The following DMD variants were observed in gnomAD, a reference collection of about 807,000 sequenced individuals.
The protein encoded by DMD is mutant dystrophin.
DMD carries 63 observed loss-of-function variants against 330.1 expected under a neutral mutation model. That is an observed-to-expected ratio of 0.19 (90% confidence interval 0.16 to 0.24). The LOEUF (loss-of-function observed/expected upper bound fraction) is 0.24. Ranked by LOEUF, DMD falls within the 10% of genes least tolerant of loss-of-function variation. The pLI, the probability that DMD is intolerant of heterozygous loss-of-function variation, is 1.00. For synonymous variants in DMD, 1,223 were observed against 959.8 expected (o/e 1.27, Z -5.07); for missense variants, 3,344 against 2,684.1 (o/e 1.25, Z -5.43).
intron 55 of DMD, among the ~76,000 whole-genome samples, chrX:31,604,288 A>G (rs1047276698): frequency 2.7e-5 from 3 of 111,755 alleles, no homozygotes; most frequent in African/African-American, 9.7e-5. Flanking sequence ...AAATAGAATG[A>G]TATGTTTTAA....
intron 1 of DMD, among the ~76,000 whole-genome samples, chrX:33,175,049 T>C (rs1299912432): frequency 8.9e-6 from 1 of 112,249 alleles, no homozygotes; most frequent in Non-Finnish European, 1.9e-5. Context: ...GTTTCCCATG[T>C]AGTTCTTTGA....
At chrX:31,249,496 C>T (rs952855880) in intron 63 of DMD, among the ~76,000 whole-genome samples, 3 of 111,567 alleles carry the variant, frequency 2.7e-5, no homozygotes, top group African/African-American at 9.8e-5. Flanking sequence ...CCACCTGCCT[C>T]GGCCTCCCAA....
intron 62 of DMD, among the ~76,000 whole-genome samples, chrX:31,279,668 C>T (rs749903898): frequency 8.0e-5 from 9 of 112,516 alleles, no homozygotes; most frequent in Admixed American, 5.6e-4. Context: ...AGTCAGGTCA[C>T]GATAGCTTAT....
intron 60 of DMD, among the ~76,000 whole-genome samples, chrX:31,434,780 T>C (rs903721036): frequency 8.9e-6 from 1 of 111,858 alleles, no homozygotes; most frequent in Non-Finnish European, 1.9e-5. Context: ...TAGTTTTTAG[T>C]CTGTGAATGA....
chrX:32,268,590 C>T (rs1008438876), intron 43 of DMD, among the ~76,000 whole-genome samples: 1 of 111,487 alleles, frequency 9.0e-6, no homozygotes, highest in African/African-American at 3.3e-5. Flanking sequence ...TTCCTAGAAT[C>T]ACTGCCCAAA....
At chrX:32,564,479 A>G (rs2051444374) in intron 16 of DMD, among the ~76,000 whole-genome samples, 3 of 111,780 alleles carry the variant, frequency 2.7e-5, no homozygotes, top group East Asian at 5.6e-4. Context: ...TGTATTGCAA[A>G]GAAGCCATGG....
intron 19 of DMD, among the ~76,000 whole-genome samples, chrX:32,498,104 C>T (rs1461678573): frequency 9.0e-6 from 1 of 111,084 alleles, no homozygotes; most frequent in Non-Finnish European, 1.9e-5. Context: ...TATATAAATA[C>T]ATCACTAGAT....
chrX:31,957,091 G>A (rs1164095786), intron 45 of DMD, among the ~76,000 whole-genome samples: 1 of 111,755 alleles, frequency 8.9e-6, no homozygotes, highest in Non-Finnish European at 1.9e-5. Context: ...AGCACTGTGG[G>A]AGGCTAAGAT....
chrX:32,895,756 G>C lies in DMD; in HGVS notation c.94-45936C>G, dbSNP rs541045747. Among the ~76,000 whole-genome samples the C allele has an allele frequency of 3.6e-5, 4 of 111,422 alleles. No homozygotes were observed. The South Asian group carries it at 1.5e-3, about 42-fold the overall frequency. On this transcript the variant is annotated intron_variant, in intron 2 of 78. Transcript: ENST00000357033. ...CAGAACTGGAACATTTTCTAATTGA[G>C]GGTGGTAGAGAGAATTCTGATATTT...
chrX:33,309,974 A>T (rs2053824926), intron 1 of DMD, among the ~76,000 whole-genome samples: 1 of 111,056 alleles, frequency 9.0e-6, no homozygotes, highest in East Asian at 2.8e-4. Context: ...CCATGTCTGA[A>T]AATCAAATGC....
chrX:31,982,047 C>T (rs2095479306), intron 44 of DMD, among the ~76,000 whole-genome samples: 1 of 112,119 alleles, frequency 8.9e-6, no homozygotes, highest in East Asian at 2.8e-4. Context: ...ACAAAGACAA[C>T]GTGGAGGCAG....
At chrX:33,021,087 A>G (rs1198089671) in intron 1 of DMD, among the ~76,000 whole-genome samples, 4 of 111,211 alleles carry the variant, frequency 3.6e-5, no homozygotes, top group African/African-American at 1.3e-4. Flanking sequence ...AGATTCTACA[A>G]CTCTAAAATT....
intron 7 of DMD, among the ~76,000 whole-genome samples, chrX:32,731,150 G>A (rs768247287): frequency 8.4e-4 from 94 of 112,047 alleles, no homozygotes; most frequent in East Asian, 4.8e-3. Context: ...AAGGGGTGAC[G>A]GACAGCACCT....
chrX:32,191,853 T>C lies in DMD; in HGVS notation c.6438+25063A>G, dbSNP rs753807898. ...CACCTATAAATCATCAGTACAGAGGTAGGCATTCATTGTTTTTCTGAATAT... is the reference window on the plus strand; with the variant it reads ...CACCTATAAATCATCAGTACAGAGGCAGGCATTCATTGTTTTTCTGAATAT... On this transcript the variant is annotated intron_variant, in intron 44 of 78. Transcript: ENST00000357033. Among the ~76,000 whole-genome samples the C allele has an allele frequency of 4.5e-5, 5 of 111,903 alleles. No individual in the cohort carries two copies. In the East Asian group the frequency reaches 1.4e-3, roughly 32 times the overall value.
At chrX:31,339,865 G>A (rs1347262252) in intron 61 of DMD, among the ~76,000 whole-genome samples, 7 of 112,543 alleles carry the variant, frequency 6.2e-5, no homozygotes, top group South Asian at 3.7e-4. Context: ...GTGAGCCACC[G>A]CACCCGGCCT....
intron 45 of DMD, among the ~76,000 whole-genome samples, chrX:31,934,046 A>G (rs1569516710): frequency 9.0e-6 from 1 of 111,228 alleles, no homozygotes; most frequent in East Asian, 2.8e-4. Flanking sequence ...GATTAAAGAT[A>G]TATACGTTAT....
At chrX:32,042,720 T>C (rs939273708) in intron 44 of DMD, among the ~76,000 whole-genome samples, 1 of 112,276 alleles carries the variant, frequency 8.9e-6, no homozygotes, top group Admixed American at 9.4e-5. Flanking sequence ...CCTACGGCTG[T>C]ACAAGTAAAT....
chrX:32,786,126 C>A (rs923874356), intron 7 of DMD, among the ~76,000 whole-genome samples: 2 of 90,457 alleles, frequency 2.2e-5, no homozygotes, highest in Non-Finnish European at 4.2e-5. Context: ...TGTGTGTATT[C>A]CAATTATTAA....
intron 2 of DMD, among the ~76,000 whole-genome samples, chrX:32,912,481 C>A (rs1350427136): frequency 1.8e-5 from 2 of 111,014 alleles, no homozygotes; most frequent in Non-Finnish European, 1.9e-5. Flanking sequence ...ATACAAGGAA[C>A]CTTGTTTGTA....
Sources: gnomAD v4.1 joint callset for allele counts (sites outside exome capture counted in the v4.1 genomes callset) on GRCh38, gnomAD v4.1.1 for gene constraint, MANE v1.5 for transcripts, NCBI Gene and HGNC (gene_info 2026-07-23, HGNC 2026-07-21) for gene names.